Variants in RPS6KC1 observed in about 807,000 individuals in gnomAD.
RPS6KC1 encodes the protein inactive ribosomal protein S6 kinase delta-1.
A neutral mutation model predicts 103.8 loss-of-function variants in RPS6KC1; 54 were observed. The observed-to-expected ratio is 0.52, with a 90% confidence interval of 0.42 to 0.65. The LOEUF (loss-of-function observed/expected upper bound fraction) is 0.65, where lower values mean the gene tolerates loss of function less well. RPS6KC1 is among the 30% of genes least tolerant of loss of function. RPS6KC1 has a pLI of 0.00. For missense variants in RPS6KC1, 1,151 were observed against 1,253.8 expected, an observed-to-expected ratio of 0.92 and a Z score of 1.24; for synonymous variants, 439 against 438.7, an observed-to-expected ratio of 1.00 and a Z score of -0.01.
intron 8 of RPS6KC1, among the ~76,000 whole-genome samples, chr1:213,204,105 T>G (rs2093263462): frequency 6.6e-6 from 1 of 152,210 alleles, no homozygotes; most frequent in Non-Finnish European, 1.5e-5. Flanking sequence ...TAAACTGTTT[T>G]TAATTGCCTC....
chr1:213,608,935 T>G, the RPS6KC1 span, among the ~76,000 whole-genome samples: 1 of 152,270 alleles, frequency 6.6e-6, no homozygotes, highest in Non-Finnish European at 1.5e-5. Flanking sequence ...TAGGCTATTT[T>G]CATTTTTAGG....
chr1:213,329,508 G>A, the RPS6KC1 span, among the ~76,000 whole-genome samples: 24 of 152,224 alleles, frequency 1.6e-4, no homozygotes, highest in African/African-American at 5.8e-4. Flanking sequence ...GAAGCCAGCA[G>A]GCAGAATGGA....
At chr1:213,166,536 T>A (rs763300199) in intron 6 of RPS6KC1, among the ~76,000 whole-genome samples, 10 of 152,212 alleles carry the variant, frequency 6.6e-5, no homozygotes, top group Non-Finnish European at 1.0e-4. Flanking sequence ...AGAAGTACAC[T>A]GACATTTTAA....
intron 10 of RPS6KC1, 51 bp downstream of exon 10, chr1:213,232,306 G>T (rs201198640): frequency 1.2e-4 from 185 of 1,608,440 alleles, no homozygotes; most frequent in Non-Finnish European, 1.5e-4. Flanking sequence ...CACCTACTTA[G>T]CTTCCAGTTT....
At chr1:213,300,178 G>C in the RPS6KC1 span, among the ~76,000 whole-genome samples, 20 of 152,272 alleles carry the variant, frequency 1.3e-4, no homozygotes, top group East Asian at 3.7e-3. Flanking sequence ...ACATAAGCTA[G>C]AAGAAAAACA....
the RPS6KC1 span, among the ~76,000 whole-genome samples, chr1:213,833,218 A>G: frequency 6.6e-6 from 1 of 152,208 alleles, no homozygotes; most frequent in Non-Finnish European, 1.5e-5. Flanking sequence ...TGATGGCAAC[A>G]CAGCAGACCT....
the RPS6KC1 span, among the ~76,000 whole-genome samples, chr1:213,495,467 GCA>G: frequency 6.6e-6 from 1 of 152,136 alleles, no homozygotes; most frequent in African/African-American, 2.4e-5. Context: ...GATTACAGGT[GCA>G]TGCCACCATG....
chr1:213,365,540 A>G, the RPS6KC1 span, among the ~76,000 whole-genome samples: 1 of 152,244 alleles, frequency 6.6e-6, no homozygotes, highest in African/African-American at 2.4e-5. Flanking sequence ...GCTGTTTCCC[A>G]GGGGAGTGGT....
At chr1:213,702,412 G>A in the RPS6KC1 span, among the ~76,000 whole-genome samples, 1 of 151,950 alleles carries the variant, frequency 6.6e-6, no homozygotes, top group East Asian at 1.9e-4. Flanking sequence ...GAAATATTCT[G>A]TAAATATATA....
intron 1 of RPS6KC1, among the ~76,000 whole-genome samples, chr1:213,068,526 G>A (rs1385701722): frequency 7.5e-6 from 1 of 133,404 alleles, no homozygotes; most frequent in Admixed American, 7.5e-5. Flanking sequence ...CTTATAAGAA[G>A]CAAAATTAGT....
At chr1:213,857,589 T>C in the RPS6KC1 span, among the ~76,000 whole-genome samples, 37 of 152,334 alleles carry the variant, frequency 2.4e-4, no homozygotes, top group African/African-American at 8.4e-4. Flanking sequence ...ACCACTAGGC[T>C]AACAGGCCCA....
chr1:213,270,987 G>A (rs990837702), intron 14 of RPS6KC1, among the ~76,000 whole-genome samples: 2 of 152,200 alleles, frequency 1.3e-5, no homozygotes, highest in African/African-American at 2.4e-5. Context: ...TTGTGGGAAT[G>A]TAAAATGGTA....
At chr1:213,391,616 T>G in the RPS6KC1 span, among the ~76,000 whole-genome samples, 1 of 152,244 alleles carries the variant, frequency 6.6e-6, no homozygotes, top group African/African-American at 2.4e-5. Context: ...GTCTTGGCTC[T>G]GCCACTTACT....
the RPS6KC1 span, among the ~76,000 whole-genome samples, chr1:213,399,235 G>A: frequency 6.6e-6 from 1 of 152,152 alleles, no homozygotes; most frequent in Non-Finnish European, 1.5e-5. Context: ...GTTCTACTTA[G>A]CAGGGAAACA....
At chr1:213,520,632 CA>C in the RPS6KC1 span, among the ~76,000 whole-genome samples, 4 of 152,012 alleles carry the variant, frequency 2.6e-5, no homozygotes, top group East Asian at 7.7e-4. Flanking sequence ...TTCTTTTTAT[CA>C]GACTTGACCC....
At chr1:213,659,325 T>A in the RPS6KC1 span, among the ~76,000 whole-genome samples, 1 of 152,192 alleles carries the variant, frequency 6.6e-6, no homozygotes, top group Non-Finnish European at 1.5e-5. Flanking sequence ...ACTGAAACCC[T>A]GTTCCATCCT....
At chr1:213,545,029 G>A in the RPS6KC1 span, among the ~76,000 whole-genome samples, 1 of 152,098 alleles carries the variant, frequency 6.6e-6, no homozygotes, top group African/African-American at 2.4e-5. Context: ...GGAACTTCAA[G>A]GTCAAGGTGT....
the RPS6KC1 span, among the ~76,000 whole-genome samples, chr1:213,337,642 G>A: frequency 6.6e-6 from 1 of 152,154 alleles, no homozygotes; most frequent in South Asian, 2.1e-4. Context: ...GGTTATTGAT[G>A]TTGATGCTAT....
chr1:213,385,205 A>T, the RPS6KC1 span, among the ~76,000 whole-genome samples: 1 of 152,234 alleles, frequency 6.6e-6, no homozygotes, highest in Non-Finnish European at 1.5e-5. Flanking sequence ...CGGGCCCTTT[A>T]GGGGCAGGAC....
Sources: gnomAD v4.1 joint callset for allele counts (sites outside exome capture counted in the v4.1 genomes callset) on GRCh38, gnomAD v4.1.1 for gene constraint, MANE v1.5 for transcripts, NCBI Gene and HGNC (gene_info 2026-07-23, HGNC 2026-07-21) for gene names.